CHCHD3: variants seen among roughly 807,000 people sequenced by gnomAD.
The protein encoded by CHCHD3 is MICOS complex subunit MIC19.
In CHCHD3, 20 loss-of-function variants were observed where a neutral mutation model predicts 38.2. That is an observed-to-expected ratio of 0.52 (90% confidence interval 0.37 to 0.76). The LOEUF (loss-of-function observed/expected upper bound fraction) is 0.76. CHCHD3 is among the 30% of genes least tolerant of loss of function. The pLI is 0.00. For missense variants in CHCHD3, 245 were observed against 279.2 expected (o/e 0.88, Z 0.87); for synonymous variants, 82 against 100.0 (o/e 0.82, Z 1.07).
intron 2 of CHCHD3, among the ~76,000 whole-genome samples, chr7:133,051,201 C>A (rs1584673219): frequency 1.3e-5 from 2 of 152,178 alleles, no homozygotes; most frequent in East Asian, 3.8e-4. Flanking sequence ...TGACAAGGTT[C>A]TTGTAAGCCA....
chr7:133,078,459 C>T (rs1030797790), intron 1 of CHCHD3, among the ~76,000 whole-genome samples: 4 of 151,978 alleles, frequency 2.6e-5, no homozygotes, highest in Non-Finnish European at 5.9e-5. Context: ...ATAGCTTGAG[C>T]CCAGGAGTTG....
chr7:132,910,308 A>T (rs1384270429), intron 4 of CHCHD3, among the ~76,000 whole-genome samples: 2 of 152,212 alleles, frequency 1.3e-5, no homozygotes, highest in African/African-American at 4.8e-5. Context: ...CAACTCCATA[A>T]CAAGTGCCCC....
At chr7:133,068,644 G>C (rs1814739482) in intron 2 of CHCHD3, among the ~76,000 whole-genome samples, 1 of 152,134 alleles carries the variant, frequency 6.6e-6, no homozygotes, top group African/African-American at 2.4e-5. Flanking sequence ...CACAGAAGAC[G>C]ACAGTTATCT....
chr7:132,827,853 T>TTCTCTA (rs1807545830), intron 6 of CHCHD3, among the ~76,000 whole-genome samples: 1 of 152,206 alleles, frequency 6.6e-6, no homozygotes, highest in Non-Finnish European at 1.5e-5. Flanking sequence ...GTATCGATAG[T>TTCTCTA]TTGCTCTTCT....
chr7:132,955,535 G>GTT (rs928856633), intron 4 of CHCHD3, among the ~76,000 whole-genome samples: 5 of 146,982 alleles, frequency 3.4e-5, no homozygotes, highest in African/African-American at 1.3e-4. Context: ...GTTTTTTGGG[G>GTT]TTTTTTGTTT....
intron 5 of CHCHD3, among the ~76,000 whole-genome samples, chr7:132,879,171 A>C (rs1245092130): frequency 1.3e-5 from 2 of 152,198 alleles, no homozygotes; most frequent in Non-Finnish European, 2.9e-5. Context: ...CATTTTTTAC[A>C]TACAGCACAT....
chr7:132,948,172 G>C (rs901285473), intron 4 of CHCHD3, among the ~76,000 whole-genome samples: 6 of 151,882 alleles, frequency 4.0e-5, no homozygotes, highest in African/African-American at 1.5e-4. Context: ...AGAAAAATGG[G>C]CTCACTACTT....
chr7:132,996,636 T>C (rs914000774), intron 3 of CHCHD3, among the ~76,000 whole-genome samples: 15 of 152,226 alleles, frequency 9.9e-5, no homozygotes, highest in Non-Finnish European at 2.1e-4. Flanking sequence ...TCAGTGCCTA[T>C]GCAGTCCCCC....
At chr7:132,834,361 T>C (rs112459670) in intron 6 of CHCHD3, among the ~76,000 whole-genome samples, 3 of 152,176 alleles carry the variant, frequency 2.0e-5, no homozygotes, top group African/African-American at 7.2e-5. Context: ...AGGAAGTAGC[T>C]GGGAGAAAAA....
At chr7:133,060,073 ACT>A (rs71713733) in intron 2 of CHCHD3, among the ~76,000 whole-genome samples, 1,565 of 152,278 alleles carry the variant, frequency 0.01, 31 homozygotes, top group African/African-American at 0.036. Flanking sequence ...AGAAAAGGAA[ACT>A]CTTCAAAATG....
chr7:133,082,046 G>T lies in CHCHD3; in HGVS notation c.-109C>A. ...CCTGGATTCTTTTCCCGCACAGCGG[G>T]AGCAAGGCCACGACCCCCAGAAGCA... On this transcript the variant is annotated 5_prime_UTR_variant, in exon 1 of 8. Coordinates refer to ENST00000262570, the MANE Select transcript of CHCHD3 (RefSeq NM_017812.4). 1 of 1,033,104 alleles carries T rather than the reference G, an allele frequency of 9.7e-7. No individual in the cohort carries two copies. The allele number at this position is 1,033,104 out of a possible 1,614,324, so 64.0% of individuals were successfully genotyped here.
intron 2 of CHCHD3, among the ~76,000 whole-genome samples, chr7:133,059,844 T>C (rs891410506): frequency 1.3e-5 from 2 of 152,174 alleles, no homozygotes; most frequent in African/African-American, 4.8e-5. Flanking sequence ...GGCTTCATTA[T>C]CTGATTTGCT....
chr7:132,801,170 G>A (rs907506955), intron 6 of CHCHD3, among the ~76,000 whole-genome samples: 39 of 152,056 alleles, frequency 2.6e-4, no homozygotes, highest in South Asian at 1.2e-3. Context: ...TTAATCTATC[G>A]TAAAATGCAA....
chr7:132,911,571 G>C (rs10267675), intron 4 of CHCHD3, among the ~76,000 whole-genome samples: 8,152 of 152,296 alleles, frequency 0.054, 415 homozygotes, highest in African/African-American at 0.12. Flanking sequence ...TAGAAGTGCA[G>C]AAGTAGTGAT....
intron 5 of CHCHD3, among the ~76,000 whole-genome samples, chr7:132,852,758 G>A (rs948552814): frequency 1.3e-5 from 2 of 152,136 alleles, no homozygotes; most frequent in African/African-American, 4.8e-5. Context: ...AAGTGTTGGT[G>A]GAGAAAGGAA....
chr7:132,921,090 A>G (rs529259738), intron 4 of CHCHD3, among the ~76,000 whole-genome samples: 8 of 152,348 alleles, frequency 5.3e-5, no homozygotes, highest in Admixed American at 2.6e-4. Context: ...AGGAAGAAGC[A>G]AAACCCATGG....
At chr7:132,957,124 A>G (rs1811195082) in intron 4 of CHCHD3, among the ~76,000 whole-genome samples, 1 of 152,014 alleles carries the variant, frequency 6.6e-6, no homozygotes, top group African/African-American at 2.4e-5. Flanking sequence ...ACTGAAATAT[A>G]CCCTAGACAG....
At chr7:132,860,316 A>AGAGAG (rs1554377218) in intron 5 of CHCHD3, among the ~76,000 whole-genome samples, 438 of 134,712 alleles carry the variant, frequency 3.3e-3, no homozygotes, top group Non-Finnish European at 5.4e-3. Context: ...GAGAGAGAGA[A>AGAGAG]AGAGAGAGAG....
At chr7:132,886,662 G>A (rs1809223933) in intron 4 of CHCHD3, among the ~76,000 whole-genome samples, 1 of 150,642 alleles carries the variant, frequency 6.6e-6, no homozygotes, top group South Asian at 2.1e-4. Context: ...GTATATATGT[G>A]TGTATATATA....
Sources: allele counts gnomAD v4.1 joint callset (sites outside exome capture counted in the v4.1 genomes callset), GRCh38; gene constraint gnomAD v4.1.1; transcripts MANE v1.5; gene names NCBI Gene and HGNC (gene_info 2026-07-23, HGNC 2026-07-21).